The following BTN3A2 variants were observed in gnomAD, a reference collection of about 807,000 sequenced individuals.
The protein encoded by BTN3A2 is butyrophilin subfamily 3 member A2, also known as butyrophilin protein.
A neutral mutation model predicts 37.6 loss-of-function variants in BTN3A2; 25 were observed. The ratio of observed to expected loss-of-function variants is 0.66; its 90% CI spans 0.48 to 0.93. The LOEUF is 0.93. BTN3A2 is among the 40% of genes least tolerant of loss of function. The pLI is 0.00. For synonymous variants in BTN3A2, 122 were observed against 159.4 expected (o/e 0.77, Z 1.77); for missense variants, 266 against 410.9 (o/e 0.65, Z 3.05).
At chr6:26,373,135 G>A in intron 6 of BTN3A2, 38 bp downstream of exon 6, 2 of 1,609,358 alleles carry the variant, frequency 1.2e-6, no homozygotes, top group South Asian at 2.2e-5. Flanking sequence ...CTCTTGGCTT[G>A]CATGCCCCAG....
chr6:26,374,837 G>A lies in BTN3A2; in HGVS notation c.*34+39G>A, dbSNP rs566001526. On this transcript the variant is annotated intron_variant, in intron 10 of 10. Transcript: ENST00000377708. Reference sequence around the variant, plus strand: ...TGCATGTTCCCTGGACCAACAACCTGAGGGACTATATTCCTTTTTCCTTTT... The same window carrying A: ...TGCATGTTCCCTGGACCAACAACCTAAGGGACTATATTCCTTTTTCCTTTT... 3 of 1,495,250 alleles carry A rather than the reference G, an allele frequency of 2.0e-6. No homozygotes were observed. The African/African-American group carries it at 4.2e-5, about 21-fold the overall frequency. The allele number at this position is 1,495,250 out of a possible 1,614,324, so 92.6% of individuals were successfully genotyped here.
At chr6:26,369,207 G>A (rs895907918) in intron 4 of BTN3A2, among the ~76,000 whole-genome samples, 2 of 152,206 alleles carry the variant, frequency 1.3e-5, no homozygotes, top group Admixed American at 6.5e-5. Flanking sequence ...TTCAGTGACT[G>A]GTACACAGTC....
rs1215045977 is a variant in BTN3A2 at position 26,377,253 on chromosome 6, C to A, written c.*1491C>A. 3.6e-6 allele frequency: 3 copies of A among 831,972 alleles called. No individual in the cohort carries two copies. The highest frequency in any genetic ancestry group is 6.1e-6 in the Non-Finnish European group (3 of 489,784). The allele number at this position is 831,972 out of a possible 1,614,324, so 51.5% of individuals were successfully genotyped here. The stretch of plus-strand genomic sequence containing the variant: ...GCCTGGAGCTAAGGGTCTCACCCTC[C>A]ACAACAGCCAGTCAGAACCATAAAG... On this transcript the variant is annotated 3_prime_UTR_variant, in exon 11 of 11. Coordinates refer to ENST00000377708, the MANE Select transcript of BTN3A2 (RefSeq NM_007047.5).
Position 26,376,842 on chromosome 6 carries a change from G to A in BTN3A2, c.*1080G>A, listed in dbSNP as rs565443220. On this transcript the variant is annotated 3_prime_UTR_variant, in exon 11 of 11. Transcript: ENST00000377708. ...TTGGGTCAAAATGACACCGGAGAACGGATACTGGACTATGGGCCTGACTGA... is the reference window on the plus strand; with the variant it reads ...TTGGGTCAAAATGACACCGGAGAACAGATACTGGACTATGGGCCTGACTGA... 31 of 1,613,932 alleles carry A rather than the reference G, an allele frequency of 1.9e-5. No homozygotes were observed. The highest frequency in any genetic ancestry group is 1.4e-4 in the South Asian group (13 of 91,074).
At chr6:26,373,486 A>G in intron 8 of BTN3A2, 73 bp downstream of exon 8, 1 of 1,539,486 alleles carries the variant, frequency 6.5e-7, no homozygotes, top group Non-Finnish European at 8.8e-7. Context: ...TCCAGCCCAT[A>G]AGTCATAGCC....
chr6:26,369,721 T>C (rs1303001291), intron 4 of BTN3A2, among the ~76,000 whole-genome samples: 2 of 152,192 alleles, frequency 1.3e-5, no homozygotes, highest in African/African-American at 4.8e-5. Context: ...TCACATATGA[T>C]GTGGGGTGGT....
Position 26,374,329 on chromosome 6 carries a change from G to T in BTN3A2, c.967G>T (p.Gly323Ter). The change falls in exon 9 of 11, where the codon GGA (glycine) becomes TGA (stop). Residue 323 changes from glycine (G) to a stop codon, truncating the protein, a stop_gained and splice_region_variant. Transcript: ENST00000377708. LOFTEE classifies it high-confidence loss of function. ...CCTCTACCTTTCTTTCATTGTAGGTGGAGAGGAGTCTTCGTCCGATACCAA... is the reference window on the plus strand; with the variant it reads ...CCTCTACCTTTCTTTCATTGTAGGTTGAGAGGAGTCTTCGTCCGATACCAA... The part of the protein sequence containing the change: ...KRKKIQYLTR[G>*]EESSSDTNKS... 3 of 1,613,302 alleles carry T rather than the reference G, an allele frequency of 1.9e-6. No homozygotes were observed. The highest frequency in any genetic ancestry group is 2.5e-6 in the Non-Finnish European group (3 of 1,179,760).
In BTN3A2 at chr6:26,376,733, G is replaced by A. The variant is rs144182156; in HGVS notation, c.*971G>A. 115 of 1,591,906 alleles carry A rather than the reference G, an allele frequency of 7.2e-5. No individual in the cohort carries two copies. In the African/African-American group the frequency reaches 1.4e-3, roughly 20 times the overall value. ...TTGGCTGTGAAAGCTTCATGTCAGA[G>A]AGACACTACTGGGAGGTGGAAGTGG... On this transcript the variant is annotated 3_prime_UTR_variant, in exon 11 of 11. Transcript: ENST00000377708.
intron 1 of BTN3A2, 112 bp downstream of exon 1, chr6:26,365,464 G>A (rs1025053381): frequency 1.7e-6 from 2 of 1,211,732 alleles, no homozygotes; most frequent in Admixed American, 4.1e-5. Context: ...CAGAGAAAGG[G>A]GTGCAGTGCC....
At position 26,372,851 on chromosome 6, in the gene BTN3A2, G is replaced by A. The variant is rs775358604; in HGVS notation, c.716-46G>A. 6 of 1,608,502 alleles carry A rather than the reference G, an allele frequency of 3.7e-6. No individual in the cohort carries two copies. The Admixed American group carries it at 8.3e-5, about 22-fold the overall frequency. On this transcript the variant is annotated intron_variant, in intron 5 of 10. Coordinates refer to ENST00000377708, the MANE Select transcript of BTN3A2 (RefSeq NM_007047.5). The stretch of plus-strand genomic sequence containing the variant: ...AGCTTGGGGTGCTGCAGGCTGGGGA[G>A]GCTGAGCGCACCAGCGCCCATGACC...
Position 26,377,257 on chromosome 6 carries a change from A to G in BTN3A2, c.*1495A>G, listed in dbSNP as rs201755127. 2.4e-6 allele frequency: 2 copies of G among 818,614 alleles called. No individual in the cohort carries two copies. The highest frequency in any genetic ancestry group is 1.7e-5 in the African/African-American group (1 of 59,930). 50.7% of individuals were successfully genotyped at this position (818,614 alleles called of 1,614,324 possible). On this transcript the variant is annotated 3_prime_UTR_variant, in exon 11 of 11. Coordinates refer to ENST00000377708, the MANE Select transcript of BTN3A2 (RefSeq NM_007047.5). ...GGAGCTAAGGGTCTCACCCTCCACAACAGCCAGTCAGAACCATAAAGCTAC... is the reference window on the plus strand; with the variant it reads ...GGAGCTAAGGGTCTCACCCTCCACAGCAGCCAGTCAGAACCATAAAGCTAC...
Position 26,376,015 on chromosome 6 carries a change from G to A in BTN3A2, c.*253G>A. ...AGGTCAGGAGATCAAGACCATCCTG[G>A]CTAACACGGTGAAACCCCGTCTCTA... On this transcript the variant is annotated 3_prime_UTR_variant, in exon 11 of 11. Transcript: ENST00000377708. 3.1e-6 allele frequency: 2 copies of A among 637,552 alleles called. No individual in the cohort carries two copies. Among genetic ancestry groups the A allele is most frequent in the Non-Finnish European group, 5.1e-6 (2 of 389,420 alleles). The allele number at this position is 637,552 out of a possible 1,614,324, so 39.5% of individuals were successfully genotyped here. A position where few individuals can be genotyped will look rare whatever the true frequency, so the allele number is the denominator to read the frequency against.
At chr6:26,374,830 A>G (rs533385695) in intron 10 of BTN3A2, 32 bp downstream of exon 10, 1 of 1,503,974 alleles carries the variant, frequency 6.6e-7, no homozygotes, top group Non-Finnish European at 9.2e-7. Flanking sequence ...CCCTGGACCA[A>G]CAACCTGAGG....
chr6:26,372,144 A>G (rs1447723990), intron 5 of BTN3A2, among the ~76,000 whole-genome samples: 1 of 152,238 alleles, frequency 6.6e-6, no homozygotes, highest in Non-Finnish European at 1.5e-5. Flanking sequence ...GATACACTTT[A>G]CACAGAAAAA....
intron 6 of BTN3A2, 58 bp downstream of exon 6, chr6:26,373,155 C>T: frequency 6.2e-7 from 1 of 1,607,458 alleles, no homozygotes. Context: ...GCCTGAAAAC[C>T]TCACCTCTCT....
intron 1 of BTN3A2, among the ~76,000 whole-genome samples, chr6:26,365,930 C>A (rs191312034): frequency 3.9e-5 from 6 of 152,122 alleles, no homozygotes; most frequent in African/African-American, 9.7e-5. Context: ...TCCATGTAAC[C>A]ATTAGGAATC....
chr6:26,374,383 C>T lies in BTN3A2; in HGVS notation c.*6+10C>T. 6.2e-7 allele frequency: 1 copy of T among 1,612,354 alleles called. No individual in the cohort carries two copies. Among genetic ancestry groups the T allele is most frequent in the Non-Finnish European group, 8.5e-7 (1 of 1,178,452 alleles). On this transcript the variant is annotated intron_variant, in intron 9 of 10. Transcript: ENST00000377708. ...GTCAGCCTGATGCTCTGTAAGTTTGCTGGGTCACATGCCCTGAATATTTCA... is the reference window on the plus strand; with the variant it reads ...GTCAGCCTGATGCTCTGTAAGTTTGTTGGGTCACATGCCCTGAATATTTCA...
chr6:26,376,815 G>C lies in BTN3A2; in HGVS notation c.*1053G>C, dbSNP rs1760743089. Reference sequence around the variant, plus strand: ...TAGTAAGAACGTGGAGAGGAAAAAAGTTTGGGTCAAAATGACACCGGAGAA... The same window carrying C: ...TAGTAAGAACGTGGAGAGGAAAAAACTTTGGGTCAAAATGACACCGGAGAA... On this transcript the variant is annotated 3_prime_UTR_variant, in exon 11 of 11. Transcript: ENST00000377708. 6.2e-7 allele frequency: 1 copy of C among 1,613,942 alleles called. No individual in the cohort carries two copies. Among genetic ancestry groups the C allele is most frequent in the African/African-American group, 1.3e-5 (1 of 75,004 alleles).
chr6:26,375,752 C>T lies in BTN3A2; in HGVS notation c.*35-45C>T, dbSNP rs771641434. 4.6e-4 allele frequency: 706 copies of T among 1,548,578 alleles called. 1 individual carries two copies. Among genetic ancestry groups the T allele is most frequent in the Non-Finnish European group, 5.9e-4 (679 of 1,146,192 alleles). Reference sequence around the variant, plus strand: ...GTGGGCTGAGTAAATAATATGATTGCCTTCTACAGCGCTAGAGATTCATAT... The same window carrying T: ...GTGGGCTGAGTAAATAATATGATTGTCTTCTACAGCGCTAGAGATTCATAT... On this transcript the variant is annotated intron_variant, in intron 10 of 10. Transcript: ENST00000377708.
Sources: allele counts gnomAD v4.1 joint callset (sites outside exome capture counted in the v4.1 genomes callset), GRCh38; gene constraint gnomAD v4.1.1; transcripts MANE v1.5; gene names NCBI Gene and HGNC (gene_info 2026-07-23, HGNC 2026-07-21).